FAM210A: variants seen among roughly 807,000 people sequenced by gnomAD.
The protein encoded by FAM210A is mitochondrial inner membrane scaffold 1.
A neutral mutation model predicts 25.3 loss-of-function variants in FAM210A; 13 were observed. The observed-to-expected ratio is 0.51, with a 90% CI of 0.33 to 0.82. The LOEUF is 0.82. Among genes scored for constraint, FAM210A ranks in the 40% least tolerant of loss-of-function variants. The pLI is 0.02. For synonymous variants in FAM210A, 125 were observed against 118.7 expected (o/e 1.05, Z -0.35); for missense variants, 319 against 323.2 (o/e 0.99, Z 0.10).
chr18:13,682,304 T>C (rs2043561997), intron 1 of FAM210A, among the ~76,000 whole-genome samples, 199 bp from the exon 2 acceptor site: 1 of 152,170 alleles, frequency 6.6e-6, no homozygotes, highest in Admixed American at 6.5e-5. Flanking sequence ...TGGTTACTCA[T>C]ACCTGTAACC....
rs2149048903 is a variant in FAM210A, at chr18:13,664,418, A to G, written c.*2062T>C. 6.6e-6 allele frequency: 1 copy of G among 152,356 alleles called. No individual in the cohort carries two copies. Among genetic ancestry groups the G allele is most frequent in the East Asian group, 1.9e-4 (1 of 5,194 alleles). 9.4% of individuals were successfully genotyped at this position (152,356 alleles called of 1,614,324 possible). On this transcript the variant is annotated 3_prime_UTR_variant, in exon 4 of 4. Transcript: ENST00000651643. ...ATTCCATATAACACAAGATTTTCAC[A>G]TAGTCTCCAGTGGTTAAAAAGAAAA...
At chr18:13,668,052 T>C (rs2043415045) in intron 3 of FAM210A, among the ~76,000 whole-genome samples, 1 of 152,128 alleles carries the variant, frequency 6.6e-6, no homozygotes, top group Non-Finnish European at 1.5e-5. Flanking sequence ...AACAGCAAGA[T>C]CCTGTCTCAA....
chr18:13,688,718 A>G (rs2043618093), intron 1 of FAM210A, among the ~76,000 whole-genome samples: 1 of 152,222 alleles, frequency 6.6e-6, no homozygotes, highest in Non-Finnish European at 1.5e-5. Context: ...TGAGCGGATA[A>G]CGCTGCTGTC....
intron 2 of FAM210A, among the ~76,000 whole-genome samples, chr18:13,676,503 C>T (rs1339942140): frequency 6.6e-6 from 1 of 151,988 alleles, no homozygotes; most frequent in South Asian, 2.1e-4. Flanking sequence ...TTCTTTATTT[C>T]GTTTCCTGAT....
intron 1 of FAM210A, among the ~76,000 whole-genome samples, chr18:13,711,315 G>A (rs2043819454): frequency 6.6e-6 from 1 of 152,174 alleles, no homozygotes; most frequent in Non-Finnish European, 1.5e-5. Flanking sequence ...AAGTTGCAGT[G>A]AGCCAGGATT....
At chr18:13,709,173 T>C (rs770111016) in intron 1 of FAM210A, among the ~76,000 whole-genome samples, 8 of 152,204 alleles carry the variant, frequency 5.3e-5, no homozygotes, top group Non-Finnish European at 1.0e-4. Flanking sequence ...TGACCATATA[T>C]ATGGCATCTA....
rs569723355 is a variant in FAM210A at position 13,693,566 on chromosome 18, C to T, written c.-28-11461G>A. Among the ~76,000 whole-genome samples, 5 of 152,326 alleles carry T rather than the reference C, an allele frequency of 3.3e-5. 1 individual carries two copies. Among genetic ancestry groups the T allele is most frequent in the African/African-American group, 1.2e-4 (5 of 41,568 alleles). Reference sequence around the variant, plus strand: ...CCACCAGGATCAAGTTGGCTTCATACCTGGGATGCAAGGCTGGTTCAACAT... The same window carrying T: ...CCACCAGGATCAAGTTGGCTTCATATCTGGGATGCAAGGCTGGTTCAACAT... On this transcript the variant is annotated intron_variant, in intron 1 of 3. Transcript: ENST00000651643.
intron 1 of FAM210A, 126 bp downstream of exon 1, chr18:13,726,203 G>GC (rs2043946559): frequency 1.3e-5 from 2 of 152,490 alleles, no homozygotes; most frequent in East Asian, 3.9e-4. Flanking sequence ...GCCACAGCCC[G>GC]AAGAGCGGCG....
chr18:13,687,405 TA>T (rs572035398), intron 1 of FAM210A, among the ~76,000 whole-genome samples: 2 of 152,336 alleles, frequency 1.3e-5, no homozygotes, highest in South Asian at 4.1e-4. Context: ...CCACACCTGT[TA>T]CACTAAAGTG....
Position 13,681,932 on chromosome 18 carries a change from T to G in FAM210A, c.146A>C (p.Gln49Pro), listed in dbSNP as rs1601947303. Residue 49 changes from glutamine (Q) to proline (P), a missense_variant, in exon 2 of 4, where the codon CAA (glutamine) becomes CCA (proline). Gln to Pro is a moderately conservative substitution (Grantham distance 76). Coordinates refer to ENST00000651643, the MANE Select transcript of FAM210A (RefSeq NM_152352.4). ...ATGCAACCATTGTTTTTGAGGGCCT[T>G]GTACCAAAACCACTTTGGATTCAGC... ...YNAESKVVLV[Q>P]GPQKQWLHLS... The G allele has an allele frequency of 5.0e-6, 8 of 1,614,180 alleles. No individual in the cohort carries two copies. The East Asian group carries it at 1.8e-4, about 36-fold the overall frequency.
intron 1 of FAM210A, among the ~76,000 whole-genome samples, chr18:13,692,968 T>G (rs897725822): frequency 2.0e-5 from 3 of 152,200 alleles, no homozygotes; most frequent in African/African-American, 7.2e-5. Flanking sequence ...AGCTGGTTTT[T>G]TGGAAAGATC....
intron 1 of FAM210A, among the ~76,000 whole-genome samples, chr18:13,716,982 G>A (rs1426403001): frequency 1.3e-5 from 2 of 152,222 alleles, no homozygotes; most frequent in East Asian, 3.8e-4. Flanking sequence ...GCTCTGAACT[G>A]AGGCACTGGA....
chr18:13,689,124 C>T (rs2043621629), intron 1 of FAM210A, among the ~76,000 whole-genome samples: 1 of 152,228 alleles, frequency 6.6e-6, no homozygotes, highest in African/African-American at 2.4e-5. Context: ...TCCCCTTTTC[C>T]TTCAGAGGTT....
chr18:13,681,936 C>T lies in FAM210A; in HGVS notation c.142G>A (p.Val48Ile), dbSNP rs767849715. The change falls in exon 2 of 4, where the codon GTA becomes ATA. Residue 48 changes from valine to isoleucine, a missense_variant. Physicochemically the swap from Val to Ile is conservative, Grantham distance 29. Coordinates refer to ENST00000651643, the MANE Select transcript of FAM210A (RefSeq NM_152352.4). ...AACCATTGTTTTTGAGGGCCTTGTA[C>T]CAAAACCACTTTGGATTCAGCATTG... ...LYNAESKVVL[V>I]QGPQKQWLHL... 2 of 1,614,128 alleles carry T rather than the reference C, an allele frequency of 1.2e-6. No individual in the cohort carries two copies. Among genetic ancestry groups the T allele is most frequent in the South Asian group, 2.2e-5 (2 of 91,076 alleles).
intron 1 of FAM210A, among the ~76,000 whole-genome samples, chr18:13,703,980 T>C (rs191260785): frequency 6.6e-6 from 1 of 152,320 alleles, no homozygotes; most frequent in Non-Finnish European, 1.5e-5. Context: ...CAATCTTGTA[T>C]GGTAAATTCT....
At chr18:13,712,212 AAATTAT>A (rs1438517865) in intron 1 of FAM210A, among the ~76,000 whole-genome samples, 1 of 152,244 alleles carries the variant, frequency 6.6e-6, no homozygotes, top group Non-Finnish European at 1.5e-5. Flanking sequence ...GAACTTGTTT[AAATTAT>A]AAGAAAAATA....
intron 1 of FAM210A, among the ~76,000 whole-genome samples, chr18:13,715,676 T>C (rs529132988): frequency 1.7e-4 from 26 of 152,336 alleles, no homozygotes; most frequent in African/African-American, 6.3e-4. Context: ...ACAGAGTTAT[T>C]ACACAACAAA....
chr18:13,698,282 G>T (rs1484321606), intron 1 of FAM210A, among the ~76,000 whole-genome samples: 3 of 148,470 alleles, frequency 2.0e-5, no homozygotes, highest in African/African-American at 7.5e-5. Flanking sequence ...AACCCAGGGG[G>T]CGGAGGTTGC....
chr18:13,712,948 C>A (rs1379064013), intron 1 of FAM210A, among the ~76,000 whole-genome samples: 1 of 152,204 alleles, frequency 6.6e-6, no homozygotes, highest in Non-Finnish European at 1.5e-5. Context: ...TTGGAACAGA[C>A]AGGTCACCTA....
Sources: gnomAD v4.1 joint callset for allele counts (sites outside exome capture counted in the v4.1 genomes callset) on GRCh38, gnomAD v4.1.1 for gene constraint, MANE v1.5 for transcripts, NCBI Gene and HGNC (gene_info 2026-07-23, HGNC 2026-07-21) for gene names.